Variants in LGR4 observed in about 807,000 individuals in gnomAD.
LGR4 encodes the protein leucine rich repeat containing G protein-coupled receptor 4, also known as leucine-rich repeat-containing G protein-coupled receptor 4.
Under a neutral mutation model 84.8 loss-of-function variants are expected in LGR4, and 44 were observed. The ratio of observed to expected loss-of-function variants is 0.52; its 90% CI spans 0.41 to 0.67. The LOEUF is 0.67. Among genes scored for constraint, LGR4 ranks in the 30% least tolerant of loss-of-function variants. LGR4 has a pLI of 0.00. For synonymous variants in LGR4, 429 were observed against 434.3 expected, an observed-to-expected ratio of 0.99 and a Z score of 0.15; for missense variants, 1,032 against 1,131.4, an observed-to-expected ratio of 0.91 and a Z score of 1.26.
Position 27,417,982 on chromosome 11 carries a change from T to G in LGR4, c.186-5122A>C, listed in dbSNP as rs1863852072. Among the ~76,000 whole-genome samples, 3 of 152,188 alleles carry G rather than the reference T, an allele frequency of 2.0e-5. No individual in the cohort carries two copies. In the South Asian group the frequency reaches 6.2e-4, roughly 32 times the overall value. Reference sequence around the variant, plus strand: ...TTGAAAGCCACCATGCCAAAAGGAATAGAGGTTAATTAAGGGCTTCCTTTA... The same window carrying G: ...TTGAAAGCCACCATGCCAAAAGGAAGAGAGGTTAATTAAGGGCTTCCTTTA... On this transcript the variant is annotated intron_variant, in intron 1 of 17. Transcript: ENST00000379214.
At chr11:27,380,466 G>T in intron 9 of LGR4, 127 bp from the exon 10 acceptor site, 1 of 750,212 alleles carries the variant, frequency 1.3e-6, no homozygotes, top group South Asian at 2.0e-5. Flanking sequence ...GAATGTACTT[G>T]AAAGTATGAT....
chr11:27,450,207 G>A (rs894345688), intron 1 of LGR4, among the ~76,000 whole-genome samples: 1 of 151,988 alleles, frequency 6.6e-6, no homozygotes, highest in African/African-American at 2.4e-5. Flanking sequence ...TGGGCAATAG[G>A]GCCTTAAGAC....
At position 27,398,246 on chromosome 11, in the gene LGR4, G is replaced by A. The variant is rs557693175; in HGVS notation, c.258-5728C>T. Among the ~76,000 whole-genome samples, 11 of 152,362 alleles carry A rather than the reference G, an allele frequency of 7.2e-5. No individual in the cohort carries two copies. In the South Asian group the frequency reaches 2.3e-3, roughly 32 times the overall value. The stretch of plus-strand genomic sequence containing the variant: ...AATATGGGGCACTGGTCAAGGGTGT[G>A]TGTGAAGGACTAGGCCACATGTCAG... On this transcript the variant is annotated intron_variant, in intron 2 of 17. Transcript: ENST00000379214.
intron 1 of LGR4, among the ~76,000 whole-genome samples, chr11:27,471,253 G>A (rs1215113660): frequency 6.6e-6 from 1 of 152,224 alleles, no homozygotes; most frequent in Non-Finnish European, 1.5e-5. Flanking sequence ...ATTTCAGTGT[G>A]TCTCTCGATC....
chr11:27,434,164 C>T (rs942880760), intron 1 of LGR4, among the ~76,000 whole-genome samples: 1 of 152,132 alleles, frequency 6.6e-6, no homozygotes, highest in Non-Finnish European at 1.5e-5. Context: ...TTCACATATT[C>T]AGCCTCCAAA....
intron 1 of LGR4, among the ~76,000 whole-genome samples, chr11:27,422,599 C>T (rs1039375198): frequency 6.6e-6 from 1 of 152,170 alleles, no homozygotes; most frequent in Admixed American, 6.5e-5. Context: ...CCTGATTTAG[C>T]CTCAAGTTCG....
intron 1 of LGR4, among the ~76,000 whole-genome samples, chr11:27,463,382 A>C (rs1864719809): frequency 6.6e-6 from 1 of 152,244 alleles, no homozygotes; most frequent in Non-Finnish European, 1.5e-5. Flanking sequence ...AAGATGTTTA[A>C]AAACTAATCA....
At chr11:27,372,013 T>C (rs1862893112) in intron 16 of LGR4, among the ~76,000 whole-genome samples, 1 of 152,152 alleles carries the variant, frequency 6.6e-6, no homozygotes, top group South Asian at 2.1e-4. Context: ...TACAGGCACA[T>C]GCCACTACAC....
In LGR4 at chr11:27,439,169, C is replaced by A. The variant is rs139003634; in HGVS notation, c.186-26309G>T. On this transcript the variant is annotated intron_variant, in intron 1 of 17. Transcript: ENST00000379214. The stretch of plus-strand genomic sequence containing the variant: ...ATCACTACCATCCATCCACATAGAA[C>A]TTTTTTCATCTTGCAAAACTGAAAC... 4.7e-3 allele frequency among the ~76,000 whole-genome samples: 716 copies of A among 152,220 alleles called. 2 individuals are homozygous for A. The highest frequency in any genetic ancestry group is 0.016 in the African/African-American group (681 of 41,534).
intron 1 of LGR4, among the ~76,000 whole-genome samples, chr11:27,427,969 C>G (rs987477232): frequency 6.6e-6 from 1 of 152,060 alleles, no homozygotes; most frequent in South Asian, 2.1e-4. Context: ...AATTGTAACC[C>G]GATGTTTACA....
At chr11:27,384,088 T>C (rs1246632672) in intron 6 of LGR4, among the ~76,000 whole-genome samples, 1 of 152,178 alleles carries the variant, frequency 6.6e-6, no homozygotes, top group Non-Finnish European at 1.5e-5. Flanking sequence ...TAAATCTTTG[T>C]AGATTGAGCT....
At chr11:27,385,157 T>C in intron 5 of LGR4, 96 bp downstream of exon 5, 1 of 852,006 alleles carries the variant, frequency 1.2e-6, no homozygotes, top group Non-Finnish European at 1.8e-6. Flanking sequence ...CAGGAGCATA[T>C]TCAGCGAGAT....
chr11:27,471,754 GA>G (rs1223177584), intron 1 of LGR4: 1 of 167,458 alleles, frequency 6.0e-6, no homozygotes, highest in Non-Finnish European at 1.3e-5. Context: ...GCCCTCATGA[GA>G]AGGGAAGGTC....
chr11:27,406,317 T>C (rs910730351), intron 2 of LGR4, among the ~76,000 whole-genome samples: 13 of 152,144 alleles, frequency 8.5e-5, no homozygotes, highest in Non-Finnish European at 1.3e-4. Flanking sequence ...AAAAGTTTGT[T>C]GAATTTACTA....
At position 27,372,420 on chromosome 11, in the gene LGR4, T is replaced by G. The variant is rs1185183965; in HGVS notation, c.1380-22A>C. The G allele has an allele frequency of 3.7e-6, 5 of 1,358,976 alleles. No homozygotes were observed. In the South Asian group the frequency reaches 5.8e-5, roughly 16 times the overall value. 84.2% of individuals were successfully genotyped at this position (1,358,976 alleles called of 1,614,324 possible). A position where few individuals can be genotyped will look rare whatever the true frequency, so the allele number is the denominator to read the frequency against. Reference sequence around the variant, plus strand: ...AGACCTGGAAAAAAAAGTTGTAAAATCTACACTGAACAGCAACTCCGCAGT... The same window carrying G: ...AGACCTGGAAAAAAAAGTTGTAAAAGCTACACTGAACAGCAACTCCGCAGT... On this transcript the variant is annotated intron_variant, in intron 15 of 17. Transcript: ENST00000379214.
chr11:27,409,796 C>T (rs931624950), intron 2 of LGR4, among the ~76,000 whole-genome samples: 2 of 152,104 alleles, frequency 1.3e-5, no homozygotes, highest in African/African-American at 4.8e-5. Context: ...TACTACTACC[C>T]TCATTTGGTT....
At position 27,385,337 on chromosome 11, in the gene LGR4, G is replaced by A. The variant is rs1169006445; in HGVS notation, c.533C>T (p.Thr178Ile). 1.2e-6 allele frequency: 2 copies of A among 1,611,480 alleles called. No homozygotes were observed. Among genetic ancestry groups the A allele is most frequent in the Admixed American group, 1.7e-5 (1 of 59,412 alleles). Residue 178 changes from threonine (T) to isoleucine (I), a missense_variant, in exon 5 of 18, where the codon ACC (threonine) becomes ATC (isoleucine). By Grantham distance (89) the Thr-to-Ile change is moderately conservative (BLOSUM62 -1). Transcript: ENST00000379214. ...GAGAGCCAGGGTCAGCGCCTGTAGG[G>A]TGGGCAGATTGCTGAGGGGGTGCAC... The part of the protein sequence containing the change: ...VPVHPLSNLP[T>I]LQALTLALNK...
intron 1 of LGR4, chr11:27,471,892 C>A (rs1864879769): frequency 1.2e-5 from 4 of 340,606 alleles, no homozygotes; most frequent in Non-Finnish European, 2.1e-5. Flanking sequence ...AGTCTGGGAA[C>A]GAAAGCTACT....
chr11:27,382,293 A>C (rs1476074609), intron 6 of LGR4, 37 bp from the exon 7 acceptor site: 3 of 1,320,648 alleles, frequency 2.3e-6, no homozygotes, highest in Non-Finnish European at 3.3e-6. Context: ...CAAAATATTA[A>C]ATAGTGGTCA....
Sources: gnomAD v4.1 joint callset for allele counts (sites outside exome capture counted in the v4.1 genomes callset) on GRCh38, gnomAD v4.1.1 for gene constraint, MANE v1.5 for transcripts, NCBI Gene and HGNC (gene_info 2026-07-23, HGNC 2026-07-21) for gene names.